Variants in DDX6 observed in about 807,000 individuals in gnomAD.
The protein encoded by DDX6 is DEAD-box helicase 6.
A neutral mutation model predicts 60.6 loss-of-function variants in DDX6; 7 were observed. The ratio of observed to expected loss-of-function variants is 0.12; its 90% CI spans 0.07 to 0.22. The LOEUF (loss-of-function observed/expected upper bound fraction) is 0.22. Ranked by LOEUF, DDX6 falls within the 10% of genes least tolerant of loss-of-function variation. The pLI, the probability that DDX6 is intolerant of heterozygous loss-of-function variation, is 1.00. For synonymous variants in DDX6, 207 were observed against 201.0 expected, an observed-to-expected ratio of 1.03 and a Z score of -0.25; for missense variants, 270 against 589.9, an observed-to-expected ratio of 0.46 and a Z score of 5.62.
intron 1 of DDX6, chr11:118,789,578 G>A (rs1273599753): frequency 2.6e-5 from 4 of 152,092 alleles, no homozygotes; most frequent in Non-Finnish European, 4.4e-5. Flanking sequence ...CATACACAAA[G>A]CTGTTTACTT....
chr11:118,763,103 T>C (rs1439632563), intron 7 of DDX6, 109 bp downstream of exon 7: 3 of 672,954 alleles, frequency 4.5e-6, no homozygotes, highest in African/African-American at 1.9e-5. Flanking sequence ...TGATTGTTTA[T>C]GTGTTTATTA....
At chr11:118,762,292 AT>A (rs1555160403) in intron 7 of DDX6, among the ~76,000 whole-genome samples, 8 of 150,338 alleles carry the variant, frequency 5.3e-5, no homozygotes, top group African/African-American at 1.9e-4. Flanking sequence ...AAAAATAATA[AT>A]AATAATAATA....
Position 118,763,376 on chromosome 11 carries a change from T to C in DDX6, c.647-70A>G, listed in dbSNP as rs1454791432. On this transcript the variant is annotated intron_variant, in intron 6 of 13. Coordinates refer to ENST00000534980, the MANE Select transcript of DDX6 (RefSeq NM_004397.6). ...GAGCAAAGAGGATAAAGGTTTATAA[T>C]ATTACAGTCCTGAGCTGCTTAATGA... is the stretch of plus-strand genomic sequence containing the variant. 5.1e-6 allele frequency: 6 copies of C among 1,182,506 alleles called. No individual in the cohort carries two copies. The African/African-American group carries it at 7.5e-5, about 15-fold the overall frequency. 73.3% of individuals were successfully genotyped at this position (1,182,506 alleles called of 1,614,324 possible). A position where few individuals can be genotyped will look rare whatever the true frequency, so the allele number is the denominator to read the frequency against.
At chr11:118,773,157 TGA>T (rs1384714049) in intron 4 of DDX6, among the ~76,000 whole-genome samples, 1 of 152,196 alleles carries the variant, frequency 6.6e-6, no homozygotes, top group African/African-American at 2.4e-5. Context: ...CTCCTAGCAT[TGA>T]GAGGCATTTT....
chr11:118,767,138 T>C (rs149844322), intron 5 of DDX6, among the ~76,000 whole-genome samples: 1 of 152,018 alleles, frequency 6.6e-6, no homozygotes, highest in Admixed American at 6.6e-5. Context: ...CTGCCTTGCC[T>C]CGGCCTCCCG....
Position 118,747,996 on chromosome 11 carries a change from T to G in DDX6, c.*4109A>C, listed in dbSNP as rs556424545. ...GAAATTTTGAGTTCCCACTGTTCAC[T>G]TCTCAGTGGAACTGGTCCCTTGTGG... On this transcript the variant is annotated 3_prime_UTR_variant, in exon 14 of 14. Coordinates refer to ENST00000534980, the MANE Select transcript of DDX6 (RefSeq NM_004397.6). 6.7e-6 allele frequency: 1 copy of G among 148,888 alleles called. No homozygotes were observed. The highest frequency in any genetic ancestry group is 2.0e-4 in the East Asian group (1 of 4,940). 9.2% of individuals were successfully genotyped at this position (148,888 alleles called of 1,614,324 possible).
At chr11:118,762,603 C>T (rs1861213695) in intron 7 of DDX6, among the ~76,000 whole-genome samples, 1 of 152,114 alleles carries the variant, frequency 6.6e-6, no homozygotes, top group Admixed American at 6.6e-5. Flanking sequence ...TGCCCAGCAT[C>T]ATGGGAGTAT....
intron 7 of DDX6, among the ~76,000 whole-genome samples, chr11:118,761,473 C>T (rs1228085246): frequency 6.8e-6 from 1 of 147,582 alleles, no homozygotes; most frequent in Non-Finnish European, 1.5e-5. Context: ...AAAATTAGCC[C>T]GGCATGGTGG....
At chr11:118,780,489 G>T (rs1023998974) in intron 3 of DDX6, among the ~76,000 whole-genome samples, 2 of 152,044 alleles carry the variant, frequency 1.3e-5, no homozygotes, top group African/African-American at 2.4e-5. Flanking sequence ...ACTAATTTTT[G>T]TATTTTTAGT....
chr11:118,785,374 T>A (rs573269898), intron 2 of DDX6, among the ~76,000 whole-genome samples: 8 of 150,408 alleles, frequency 5.3e-5, no homozygotes, highest in South Asian at 2.1e-4. Flanking sequence ...AAATTAAAAA[T>A]TTTTTTTTTG....
At chr11:118,777,990 G>A (rs1861761587) in intron 4 of DDX6, among the ~76,000 whole-genome samples, 1 of 150,334 alleles carries the variant, frequency 6.7e-6, no homozygotes, top group Admixed American at 6.7e-5. Context: ...GCTTACATTG[G>A]CCAGATCTAG....
At position 118,786,428 on chromosome 11, in the gene DDX6, CAGT is replaced by C. The variant is rs1862076595; in HGVS notation, c.-180_-178del. On this transcript the variant is annotated 5_prime_UTR_variant, in exon 2 of 14. Transcript: ENST00000534980. Reference sequence around the variant, plus strand: ...CTGTAAGTCTCTGAACGGTAAGCAGCAGTAACTTGCTCTCTTGCACGGAATCAA... The same window carrying C: ...CTGTAAGTCTCTGAACGGTAAGCAGCAACTTGCTCTCTTGCACGGAATCAA... The C allele has an allele frequency of 2.2e-6, 1 of 461,758 alleles. No individual in the cohort carries two copies. Among genetic ancestry groups the C allele is most frequent in the Non-Finnish European group, 3.8e-6 (1 of 266,388 alleles). The allele number at this position is 461,758 out of a possible 1,614,324, so 28.6% of individuals were successfully genotyped here.
intron 11 of DDX6, among the ~76,000 whole-genome samples, chr11:118,756,029 C>CCCCCCA (rs1491121650): frequency 2.1e-5 from 2 of 94,986 alleles, no homozygotes; most frequent in African/African-American, 8.0e-5. Context: ...CCCCCCCCCC[C>CCCCCCA]AAAAAAAAGA....
intron 5 of DDX6, among the ~76,000 whole-genome samples, chr11:118,766,299 T>C (rs912757563): frequency 6.6e-6 from 1 of 151,548 alleles, no homozygotes; most frequent in Non-Finnish European, 1.5e-5. Context: ...CTGGGAATGG[T>C]GGCATGTGCC....
rs149844322 is a variant in DDX6 at position 118,767,138 on chromosome 11, T to A, written c.499+1085A>T. 5.7e-3 allele frequency among the ~76,000 whole-genome samples: 872 copies of A among 152,132 alleles called. 15 individuals carry two copies. Among genetic ancestry groups the A allele is most frequent in the African/African-American group, 0.02 (834 of 41,486 alleles). On this transcript the variant is annotated intron_variant, in intron 5 of 13. Coordinates refer to ENST00000534980, the MANE Select transcript of DDX6 (RefSeq NM_004397.6). ...CTGACCTCAGGTGATCTGCCTTGCCTCGGCCTCCCGAAGTGCTGGGATTAC... is the reference window on the plus strand; with the variant it reads ...CTGACCTCAGGTGATCTGCCTTGCCACGGCCTCCCGAAGTGCTGGGATTAC...
chr11:118,756,531 A>G (rs1555158992), intron 10 of DDX6, among the ~76,000 whole-genome samples: 1 of 151,898 alleles, frequency 6.6e-6, no homozygotes, highest in African/African-American at 2.4e-5. Context: ...AATGTAGTTA[A>G]CAAAAAAGTC....
rs1555157441 is a variant in DDX6, at chr11:118,751,839, C to G, written c.*266G>C. On this transcript the variant is annotated 3_prime_UTR_variant, in exon 14 of 14. Coordinates refer to ENST00000534980, the MANE Select transcript of DDX6 (RefSeq NM_004397.6). Reference sequence around the variant, plus strand: ...TTTCTTTTCCTTCCTTGTCCCCTTTCCCCAGAAAACATTTTTTAAAAACCA... The same window carrying G: ...TTTCTTTTCCTTCCTTGTCCCCTTTGCCCAGAAAACATTTTTTAAAAACCA... The G allele has an allele frequency of 2.4e-6, 1 of 420,770 alleles. No homozygotes were observed. Among genetic ancestry groups the G allele is most frequent in the African/African-American group, 2.1e-5 (1 of 48,264 alleles). The allele number at this position is 420,770 out of a possible 1,614,324, so 26.1% of individuals were successfully genotyped here.
At chr11:118,768,499 T>A in intron 4 of DDX6, 147 bp from the exon 5 acceptor site, 1 of 753,934 alleles carries the variant, frequency 1.3e-6, no homozygotes, top group Non-Finnish European at 2.1e-6. Flanking sequence ...ATAGCAGAGA[T>A]CCAAGTAAAT....
intron 5 of DDX6, among the ~76,000 whole-genome samples, chr11:118,767,358 G>A (rs1861387800): frequency 6.6e-6 from 1 of 152,118 alleles, no homozygotes; most frequent in Non-Finnish European, 1.5e-5. Flanking sequence ...ATATGAAAGT[G>A]GGAAGAAAAG....
Sources: allele counts gnomAD v4.1 joint callset (sites outside exome capture counted in the v4.1 genomes callset), GRCh38; gene constraint gnomAD v4.1.1; transcripts MANE v1.5; gene names NCBI Gene and HGNC (gene_info 2026-07-23, HGNC 2026-07-21).